The following REEP5 variants were observed in gnomAD, a reference collection of about 807,000 sequenced individuals.
The protein encoded by REEP5 is receptor accessory protein 5.
Under a neutral mutation model 22.4 loss-of-function variants are expected in REEP5, and 24 were observed. That is an observed-to-expected ratio of 1.07 (90% CI 0.78 to 1.51). REEP5 has a LOEUF of 1.51. REEP5 is among the 40% of genes most tolerant of loss of function. The probability of loss-of-function intolerance (pLI) is 0.00; values close to 1 mark genes in which losing one functional copy is unlikely to be tolerated. For missense variants in REEP5, 252 were observed against 233.0 expected, an observed-to-expected ratio of 1.08 and a Z score of -0.53; for synonymous variants, 103 against 88.6, an observed-to-expected ratio of 1.16 and a Z score of -0.92.
intron 2 of REEP5, among the ~76,000 whole-genome samples, chr5:112,908,746 G>A (rs745974826): frequency 2.0e-5 from 3 of 151,802 alleles, no homozygotes; most frequent in Admixed American, 6.6e-5. Context: ...TAGTAGAGAC[G>A]GGGTTTCACC....
At chr5:112,913,455 T>C (rs1042148584) in intron 2 of REEP5, among the ~76,000 whole-genome samples, 3 of 144,106 alleles carry the variant, frequency 2.1e-5, no homozygotes, top group African/African-American at 7.8e-5. Context: ...TGAGAATAGC[T>C]AGAGCCTGGG....
rs150780947 is a variant in REEP5 at position 112,919,187 on chromosome 5, C to T, written c.212+1976G>A. Among the ~76,000 whole-genome samples, 497 of 152,212 alleles carry T rather than the reference C, an allele frequency of 3.3e-3. 3 individuals carry two copies. Among genetic ancestry groups the T allele is most frequent in the African/African-American group, 0.011 (444 of 41,508 alleles). On this transcript the variant is annotated intron_variant, in intron 2 of 4. Coordinates refer to ENST00000379638, the MANE Select transcript of REEP5 (RefSeq NM_005669.5). ...TCTGAATGTTGTGTTCCCCCAACAT[C>T]CATATGTTGGGACCTAATACCCAAT...
At chr5:112,906,695 C>G (rs2150045584) in intron 2 of REEP5, among the ~76,000 whole-genome samples, 1 of 152,304 alleles carries the variant, frequency 6.6e-6, no homozygotes, top group East Asian at 1.9e-4. Context: ...CATCCATCTA[C>G]AGAACTTATT....
rs558103748 is a variant in REEP5 at position 112,908,150 on chromosome 5, G to C, written c.213-5632C>G. On this transcript the variant is annotated intron_variant, in intron 2 of 4. Coordinates refer to ENST00000379638, the MANE Select transcript of REEP5 (RefSeq NM_005669.5). Reference sequence around the variant, plus strand: ...AGTCTTGCTCTTGTGGCCCAGGCTGGAGTGCAGTGGCACGATCTCGGCTCA... The same window carrying C: ...AGTCTTGCTCTTGTGGCCCAGGCTGCAGTGCAGTGGCACGATCTCGGCTCA... Among the ~76,000 whole-genome samples the C allele has an allele frequency of 4.1e-5, 6 of 146,890 alleles. No homozygotes were observed. In the South Asian group the frequency reaches 8.6e-4, roughly 21 times the overall value.
intron 4 of REEP5, among the ~76,000 whole-genome samples, chr5:112,881,749 C>G (rs1299077206): frequency 1.3e-5 from 2 of 152,040 alleles, no homozygotes; most frequent in African/African-American, 2.4e-5. Context: ...ACTTAATGTT[C>G]CTTTCTAACA....
chr5:112,889,096 T>A (rs1768351400), intron 3 of REEP5, among the ~76,000 whole-genome samples: 1 of 150,794 alleles, frequency 6.6e-6, no homozygotes, highest in Admixed American at 6.6e-5. Context: ...GATTGTGAGG[T>A]CTCCACAACC....
At chr5:112,916,774 G>C (rs1217809959) in intron 2 of REEP5, among the ~76,000 whole-genome samples, 2 of 152,180 alleles carry the variant, frequency 1.3e-5, no homozygotes, top group Non-Finnish European at 1.5e-5. Context: ...TTAAATACCA[G>C]TTTCATCATC....
At chr5:112,899,191 A>G (rs1214097049) in intron 3 of REEP5, among the ~76,000 whole-genome samples, 2 of 149,930 alleles carry the variant, frequency 1.3e-5, no homozygotes, top group Non-Finnish European at 3.0e-5. Context: ...CCATCCTCCC[A>G]CCTCAGCCTC....
At chr5:112,882,750 AT>A in intron 4 of REEP5, among the ~76,000 whole-genome samples, 1 of 152,174 alleles carries the variant, frequency 6.6e-6, no homozygotes, top group African/African-American at 2.4e-5. Flanking sequence ...AATTTAAAAC[AT>A]TTGTTATCTG....
chr5:112,902,519 C>G lies in REEP5; in HGVS notation c.213-1G>C, dbSNP rs1768875177. The G allele has an allele frequency of 6.3e-7, 1 of 1,579,020 alleles. No homozygotes were observed. The highest frequency in any genetic ancestry group is 2.3e-5 in the East Asian group (1 of 44,100). On this transcript the variant is annotated splice_acceptor_variant, in intron 2 of 4. Transcript: ENST00000379638. LOFTEE classifies it high-confidence loss of function. ...GTTGGGACTCTCTATAGCTTTAATT[C>G]TGAAAGGCAGTACAAAAGAAAGTAT...
At chr5:112,889,468 G>C (rs927544313) in intron 3 of REEP5, among the ~76,000 whole-genome samples, 3 of 150,526 alleles carry the variant, frequency 2.0e-5, no homozygotes, top group African/African-American at 7.4e-5. Context: ...AAGAAGGAAA[G>C]CAATTCACCA....
At chr5:112,909,199 G>C (rs1372706318) in intron 2 of REEP5, among the ~76,000 whole-genome samples, 1 of 147,598 alleles carries the variant, frequency 6.8e-6, no homozygotes, top group Non-Finnish European at 1.5e-5. Context: ...CCCTGGGCAA[G>C]TTATCCAATC....
chr5:112,888,574 C>A (rs1312960152), intron 3 of REEP5, among the ~76,000 whole-genome samples: 1 of 145,092 alleles, frequency 6.9e-6, no homozygotes, highest in Non-Finnish European at 1.5e-5. Flanking sequence ...CAGGCATGAA[C>A]CACCAGGCCT....
rs148367381 is a variant in REEP5 at position 112,913,887 on chromosome 5, C to T, written c.212+7276G>A. Among the ~76,000 whole-genome samples the T allele has an allele frequency of 1.8e-3, 274 of 151,004 alleles. 4 individuals are homozygous for T. Among genetic ancestry groups the T allele is most frequent in the Admixed American group, 0.016 (243 of 15,098 alleles). On this transcript the variant is annotated intron_variant, in intron 2 of 4. Transcript: ENST00000379638. ...AGTCTCTAAGACCCCTTTTAGCTAA[C>T]ATTTTATAACTCAAAACTGAATGTG...
chr5:112,918,646 T>A (rs1769283560), intron 2 of REEP5, among the ~76,000 whole-genome samples: 1 of 152,204 alleles, frequency 6.6e-6, no homozygotes, highest in Non-Finnish European at 1.5e-5. Context: ...TCGTATCATG[T>A]CACCCCCTAT....
chr5:112,879,459 C>T (rs514763), intron 4 of REEP5, among the ~76,000 whole-genome samples: 63,483 of 151,838 alleles, frequency 0.42, 14,794 homozygotes, highest in African/African-American at 0.66. Context: ...TATGTGCTTT[C>T]ATATACTTTA....
intron 2 of REEP5, among the ~76,000 whole-genome samples, chr5:112,902,866 G>A (rs1768880904): frequency 1.3e-5 from 2 of 152,152 alleles, no homozygotes; most frequent in African/African-American, 2.4e-5. Context: ...TGCCACGAGG[G>A]ATATATCAGG....
intron 3 of REEP5, among the ~76,000 whole-genome samples, chr5:112,889,556 G>T (rs530832319): frequency 2.0e-5 from 3 of 150,534 alleles, no homozygotes; most frequent in African/African-American, 7.4e-5. Flanking sequence ...GTTTGCAATA[G>T]AATTATTTTT....
intron 3 of REEP5, among the ~76,000 whole-genome samples, chr5:112,900,600 A>G (rs153549): frequency 0.6 from 91,803 of 151,794 alleles, 30,076 homozygotes; most frequent in African/African-American, 0.88. Flanking sequence ...CTGGGGTAGA[A>G]GGGGACTGTA....
Sources: gnomAD v4.1 joint callset for allele counts (sites outside exome capture counted in the v4.1 genomes callset) on GRCh38, gnomAD v4.1.1 for gene constraint, MANE v1.5 for transcripts, NCBI Gene and HGNC (gene_info 2026-07-23, HGNC 2026-07-21) for gene names.